EFCAB6: variants seen among roughly 807,000 people sequenced by gnomAD.
The protein encoded by EFCAB6 is EF-hand calcium-binding domain-containing protein 6.
EFCAB6 carries 156 observed loss-of-function variants against 169.8 expected under a neutral mutation model. The observed-to-expected ratio is 0.92, with a 90% CI of 0.81 to 1.05. The LOEUF (loss-of-function observed/expected upper bound fraction) is 1.05, where lower values mean the gene tolerates loss of function less well. EFCAB6 is among the 50% of genes least tolerant of loss of function. EFCAB6 has a pLI of 0.00. For missense variants in EFCAB6, 1,800 were observed against 1,829.1 expected, an observed-to-expected ratio of 0.98 and a Z score of 0.29; for synonymous variants, 698 against 676.4, an observed-to-expected ratio of 1.03 and a Z score of -0.50.
intron 23 of EFCAB6, among the ~76,000 whole-genome samples, chr22:43,596,832 G>A (rs976323102): frequency 1.3e-5 from 2 of 152,028 alleles, no homozygotes; most frequent in African/African-American, 4.8e-5. Context: ...GAGGCATCAC[G>A]CTACCTGATT....
At chr22:43,801,293 G>A (rs912220112) in intron 2 of EFCAB6, among the ~76,000 whole-genome samples, 1 of 152,068 alleles carries the variant, frequency 6.6e-6, no homozygotes, top group Non-Finnish European at 1.5e-5. Flanking sequence ...AAAGTTGAGA[G>A]AATTCACCAC....
intron 2 of EFCAB6, chr22:43,802,699 G>A (rs1488078889): frequency 2.0e-6 from 1 of 506,622 alleles, no homozygotes; most frequent in Non-Finnish European, 3.9e-6. Context: ...TTGGCAAGGA[G>A]GAGAATAACC....
intron 2 of EFCAB6, among the ~76,000 whole-genome samples, chr22:43,805,711 G>C (rs2062893196): frequency 6.6e-6 from 1 of 152,060 alleles, no homozygotes. Context: ...AATTTGAATG[G>C]TTCTAACATA....
chr22:43,701,351 G>T (rs2058758172), intron 10 of EFCAB6, among the ~76,000 whole-genome samples: 1 of 152,126 alleles, frequency 6.6e-6, no homozygotes, highest in African/African-American at 2.4e-5. Context: ...TTAGTCATAA[G>T]TCCTCAACAA....
At chr22:43,642,815 T>C (rs2055888621) in intron 17 of EFCAB6, among the ~76,000 whole-genome samples, 2 of 152,158 alleles carry the variant, frequency 1.3e-5, no homozygotes, top group Non-Finnish European at 2.9e-5. Context: ...CCGCAGGATA[T>C]TGGGCTCAGG....
intron 17 of EFCAB6, among the ~76,000 whole-genome samples, chr22:43,657,268 C>T (rs2056795232): frequency 6.6e-6 from 1 of 152,160 alleles, no homozygotes; most frequent in Admixed American, 6.5e-5. Context: ...GCCCTCCAGT[C>T]TGGGTTACAG....
Position 43,590,144 on chromosome 22 carries a change from T to A in EFCAB6, c.2962A>T (p.Lys988Ter). ...QSKTNYISIC[K>*]MQEVLEECGC... Reference sequence around the variant, plus strand: ...CATTCTTCCAGCACTTCCTGCATCTTGCATATGGATATGTAGTTGGTTTTG... The same window carrying A: ...CATTCTTCCAGCACTTCCTGCATCTAGCATATGGATATGTAGTTGGTTTTG... The change falls in exon 24 of 32, where the codon AAG becomes TAG. Residue 988 changes from lysine (K) to a stop codon, truncating the protein, a stop_gained. Coordinates refer to ENST00000262726, the MANE Select transcript of EFCAB6 (RefSeq NM_022785.4). LOFTEE classifies it high-confidence loss of function. 2 of 1,614,184 alleles carry A rather than the reference T, an allele frequency of 1.2e-6. No homozygotes were observed. The highest frequency in any genetic ancestry group is 1.7e-6 in the Non-Finnish European group (2 of 1,180,022).
At chr22:43,659,601 A>T (rs2056909042) in intron 17 of EFCAB6, among the ~76,000 whole-genome samples, 1 of 152,046 alleles carries the variant, frequency 6.6e-6, no homozygotes, top group African/African-American at 2.4e-5. Context: ...TCGAGGCTGC[A>T]GTGAGCCCTG....
intron 6 of EFCAB6, among the ~76,000 whole-genome samples, chr22:43,739,073 C>T (rs1441430130): frequency 6.6e-6 from 1 of 152,188 alleles, no homozygotes; most frequent in Non-Finnish European, 1.5e-5. Context: ...ACCTCTTCCT[C>T]CAGTCACCCA....
chr22:43,766,161 G>A (rs567884508), intron 4 of EFCAB6, among the ~76,000 whole-genome samples: 1 of 152,150 alleles, frequency 6.6e-6, no homozygotes, highest in East Asian at 1.9e-4. Context: ...TCAGGTTCTG[G>A]AGCAGCTGGG....
intron 6 of EFCAB6, among the ~76,000 whole-genome samples, chr22:43,740,121 T>TC (rs1037684213): frequency 7.9e-5 from 12 of 151,978 alleles, no homozygotes; most frequent in African/African-American, 2.4e-4. Context: ...GGAACATTCT[T>TC]CCCCCGACAC....
chr22:43,736,686 C>T (rs2060153209), intron 6 of EFCAB6, among the ~76,000 whole-genome samples: 1 of 152,050 alleles, frequency 6.6e-6, no homozygotes, highest in Non-Finnish European at 1.5e-5. Context: ...ACAGGGAGCA[C>T]CCAGTTGTGC....
At position 43,755,773 on chromosome 22, in the gene EFCAB6, C is replaced by T. The variant is rs1394066281; in HGVS notation, c.500G>A (p.Gly167Glu). The T allele has an allele frequency of 6.2e-7, 1 of 1,606,848 alleles. No individual in the cohort carries two copies. Among genetic ancestry groups the T allele is most frequent in the Non-Finnish European group, 8.5e-7 (1 of 1,177,756 alleles). Reference sequence around the variant, plus strand: ...CTTTAAAATCTCTATTACCTTTTCTCCCACTTGGATTTCAAGTTCTCTTAA... The same window carrying T: ...CTTTAAAATCTCTATTACCTTTTCTTCCACTTGGATTTCAAGTTCTCTTAA... ...RTLRELEIQV[G>E]EKVFKNIKTV... Residue 167 changes from glycine (G) to glutamate (E), a missense_variant, in exon 6 of 32, where the codon GGA becomes GAA. By Grantham distance (98) the Gly-to-Glu change is moderately conservative. Coordinates refer to ENST00000262726, the MANE Select transcript of EFCAB6 (RefSeq NM_022785.4).
intron 13 of EFCAB6, among the ~76,000 whole-genome samples, chr22:43,677,507 G>A (rs984878216): frequency 8.5e-5 from 13 of 152,126 alleles, no homozygotes; most frequent in South Asian, 4.2e-4. Context: ...TTACCCGGGC[G>A]TAGCAGCACG....
At chr22:43,603,908 T>C (rs751430493) in intron 22 of EFCAB6, among the ~76,000 whole-genome samples, 2 of 152,204 alleles carry the variant, frequency 1.3e-5, no homozygotes, top group Non-Finnish European at 2.9e-5. Flanking sequence ...TGGGGCCTAG[T>C]GGGAGGTGAC....
At chr22:43,810,308 T>C (rs1326780762) in intron 1 of EFCAB6, among the ~76,000 whole-genome samples, 3 of 152,114 alleles carry the variant, frequency 2.0e-5, no homozygotes, top group Admixed American at 6.6e-5. Context: ...GTAGTAGAAA[T>C]AGAAGTAGTA....
At chr22:43,632,543 G>A (rs1264973831) in intron 18 of EFCAB6, among the ~76,000 whole-genome samples, 3 of 151,906 alleles carry the variant, frequency 2.0e-5, no homozygotes, top group East Asian at 1.9e-4. Flanking sequence ...CAGGTGATCC[G>A]CCCGCCTCAG....
At chr22:43,806,447 T>C (rs1603394922) in intron 2 of EFCAB6, among the ~76,000 whole-genome samples, 1 of 152,150 alleles carries the variant, frequency 6.6e-6, no homozygotes, top group East Asian at 1.9e-4. Context: ...GGTTTCACCA[T>C]GTTACCCAGG....
intron 3 of EFCAB6, among the ~76,000 whole-genome samples, chr22:43,778,883 G>A (rs757407248): frequency 3.0e-4 from 46 of 151,114 alleles, no homozygotes; most frequent in Non-Finnish European, 3.5e-4. Flanking sequence ...ACAAATATCT[G>A]GCATTACTTT....
Sources: allele counts gnomAD v4.1 joint callset (sites outside exome capture counted in the v4.1 genomes callset), GRCh38; gene constraint gnomAD v4.1.1; transcripts MANE v1.5; gene names NCBI Gene and HGNC (gene_info 2026-07-23, HGNC 2026-07-21).